The following PHYHD1 variants were observed in gnomAD, a reference collection of about 807,000 sequenced individuals.
PHYHD1 encodes the protein phytanoyl-CoA dioxygenase domain-containing protein 1.
Under a neutral mutation model 43.6 loss-of-function variants are expected in PHYHD1, and 42 were observed. The ratio of observed to expected loss-of-function variants is 0.96; its 90% CI spans 0.75 to 1.25. The LOEUF (loss-of-function observed/expected upper bound fraction) is 1.25. PHYHD1 is among the 50% of genes most tolerant of loss of function. The pLI is 0.00. For missense variants in PHYHD1, 342 were observed against 370.8 expected (o/e 0.92, Z 0.64); for synonymous variants, 139 against 143.6 (o/e 0.97, Z 0.23).
chr9:128,926,709 C>T (rs1487326870), intron 3 of PHYHD1, among the ~76,000 whole-genome samples: 1 of 151,902 alleles, frequency 6.6e-6, no homozygotes, highest in African/African-American at 2.4e-5. Flanking sequence ...CAGGCATGCA[C>T]CACCATGCCC....
At chr9:128,932,423 A>C (rs1302817366) in intron 4 of PHYHD1, among the ~76,000 whole-genome samples, 3 of 151,864 alleles carry the variant, frequency 2.0e-5, no homozygotes, top group Non-Finnish European at 2.9e-5. Flanking sequence ...GGTGGAGTGC[A>C]ATGGCACGAT....
rs200138931 is a variant in PHYHD1 at position 128,932,178 on chromosome 9, A to ATTT, written c.193-1602_193-1601insTTT. Among the ~76,000 whole-genome samples the ATTT allele has an allele frequency of 1.8e-3, 198 of 107,832 alleles. 4 individuals are homozygous for ATTT. The highest frequency in any genetic ancestry group is 7.2e-3 in the African/African-American group (159 of 22,234). 70.7% of individuals were successfully genotyped at this position (107,832 alleles called of 152,430 possible). ...TATTATTATTATTATTGTTATTATT[A>ATTT]TTATTATTTTTTTTTTTTGAGATGG... is the stretch of plus-strand genomic sequence containing the variant. On this transcript the variant is annotated intron_variant, in intron 4 of 12. Coordinates refer to ENST00000372592, the MANE Select transcript of PHYHD1 (RefSeq NM_001100876.2).
Position 128,941,919 on chromosome 9 carries a change from G to A in PHYHD1, c.*206G>A. 2 of 642,508 alleles carry A rather than the reference G, an allele frequency of 3.1e-6. No individual in the cohort carries two copies. The highest frequency in any genetic ancestry group is 5.3e-6 in the Non-Finnish European group (2 of 375,830). 39.8% of individuals were successfully genotyped at this position (642,508 alleles called of 1,614,324 possible). A position where few individuals can be genotyped will look rare whatever the true frequency, so the allele number is the denominator to read the frequency against. On this transcript the variant is annotated 3_prime_UTR_variant, in exon 13 of 13. Coordinates refer to ENST00000372592, the MANE Select transcript of PHYHD1 (RefSeq NM_001100876.2). ...TCTGCCTCCCTACTGCCCCAACATA[G>A]CCTTGAGGAGGCTTCTCAGCCACCA...
At chr9:128,935,351 G>A (rs1170004309) in intron 6 of PHYHD1, among the ~76,000 whole-genome samples, 7 of 152,218 alleles carry the variant, frequency 4.6e-5, no homozygotes, top group Non-Finnish European at 1.0e-4. Flanking sequence ...ATTGCCGGGC[G>A]TGGTGGCTCA....
At chr9:128,938,443 CAG>C (rs1316733908) in intron 9 of PHYHD1, among the ~76,000 whole-genome samples, 1 of 151,920 alleles carries the variant, frequency 6.6e-6, no homozygotes, top group Non-Finnish European at 1.5e-5. Context: ...TTTTTTGAGA[CAG>C]AGTTTCATTC....
Position 128,922,054 on chromosome 9 carries a change from A to T in PHYHD1, c.-42+7A>T. On this transcript the variant is annotated splice_region_variant and intron_variant, in intron 2 of 12. Coordinates refer to ENST00000372592, the MANE Select transcript of PHYHD1 (RefSeq NM_001100876.2). ...CATAATTTCCCGGCACCTGGTAAGC[A>T]GTGGTGGGGGGTGGTTTCCAGAAGA... 4.0e-6 allele frequency: 2 copies of T among 504,360 alleles called. No homozygotes were observed. The highest frequency in any genetic ancestry group is 7.1e-6 in the Non-Finnish European group (2 of 283,516). 31.2% of individuals were successfully genotyped at this position (504,360 alleles called of 1,614,324 possible).
At chr9:128,933,961 T>C (rs17507817) in intron 5 of PHYHD1, 50 bp from the exon 6 acceptor site, 1 of 1,608,458 alleles carries the variant, frequency 6.2e-7, no homozygotes, top group African/African-American at 1.3e-5. Flanking sequence ...CAGCTGCCCA[T>C]GGAAGGCTGG....
At chr9:128,934,919 G>C (rs17455218) in intron 6 of PHYHD1, among the ~76,000 whole-genome samples, 1 of 151,858 alleles carries the variant, frequency 6.6e-6, no homozygotes, top group Non-Finnish European at 1.5e-5. Context: ...GGGTCCACCT[G>C]ATCCCCCCTA....
chr9:128,934,923 C>CT (rs1306251680), intron 6 of PHYHD1, among the ~76,000 whole-genome samples: 1 of 152,092 alleles, frequency 6.6e-6, no homozygotes, highest in Non-Finnish European at 1.5e-5. Flanking sequence ...CCACCTGATC[C>CT]CCCCTAACAG....
chr9:128,927,699 A>G (rs2131099304), intron 4 of PHYHD1, among the ~76,000 whole-genome samples: 1 of 152,352 alleles, frequency 6.6e-6, no homozygotes, highest in East Asian at 1.9e-4. Flanking sequence ...AATTAGGTTC[A>G]GATCACTTGC....
At chr9:128,930,675 T>C (rs1454456481) in intron 4 of PHYHD1, among the ~76,000 whole-genome samples, 1 of 145,800 alleles carries the variant, frequency 6.9e-6, no homozygotes, top group Non-Finnish European at 1.5e-5. Flanking sequence ...CTCGGCCGGG[T>C]GCAGTGGCTT....
At chr9:128,932,172 A>ATTTTTTTTTT (rs1367583651) in intron 4 of PHYHD1, among the ~76,000 whole-genome samples, 24 of 104,190 alleles carry the variant, frequency 2.3e-4, no homozygotes, top group African/African-American at 3.4e-4. Flanking sequence ...TATTATTGTT[A>ATTTTTTTTTT]TTATTATTAT....
chr9:128,940,703 C>T lies in PHYHD1; in HGVS notation c.691C>T (p.Pro231Ser). The change falls in exon 11 of 13, where the codon CCA becomes TCA. Residue 231 changes from proline to serine, a missense_variant. Transcript: ENST00000372592. ...GGATAACAGCCTCTTTGTGCCCACC[C>T]CAGTGCAGAGAGGTAGGCAGATGCA... Reference protein sequence around the residue: ...ARDNSLFVPTPVQRGALVLIH... With the variant: ...ARDNSLFVPTSVQRGALVLIH... The T allele has an allele frequency of 6.2e-7, 1 of 1,613,368 alleles. No individual in the cohort carries two copies. Among genetic ancestry groups the T allele is most frequent in the Non-Finnish European group, 8.5e-7 (1 of 1,179,990 alleles).
Position 128,939,557 on chromosome 9 carries a change from C to T in PHYHD1, c.458-812C>T, listed in dbSNP as rs1588257206. Among the ~76,000 whole-genome samples the T allele has an allele frequency of 2.7e-5, 3 of 111,632 alleles. 1 individual carries two copies. The Admixed American group carries it at 3.2e-4, about 12-fold the overall frequency. 73.2% of individuals were successfully genotyped at this position (111,632 alleles called of 152,430 possible). The stretch of plus-strand genomic sequence containing the variant: ...TCGTGCCACTGCACTCCAGCCTGGG[C>T]GACAGAGCCAGACTCCGTCTCAAAA... On this transcript the variant is annotated intron_variant, in intron 9 of 12. Coordinates refer to ENST00000372592, the MANE Select transcript of PHYHD1 (RefSeq NM_001100876.2).
Position 128,929,973 on chromosome 9 carries a change from C to CA in PHYHD1, c.192+2791dup, listed in dbSNP as rs773392942. ...TGAAACCCTGTCTCTACAAAAAATA[C>CA]AAAAAAAAAAAAAATTAGTCGTGGC... On this transcript the variant is annotated intron_variant, in intron 4 of 12. Transcript: ENST00000372592. Among the ~76,000 whole-genome samples the CA allele has an allele frequency of 4.3e-3, 547 of 127,590 alleles. 3 individuals carry two copies. Among genetic ancestry groups the CA allele is most frequent in the South Asian group, 0.014 (56 of 4,020 alleles). The allele number at this position is 127,590 out of a possible 152,430, so 83.7% of individuals were successfully genotyped here.
chr9:128,935,880 C>T (rs775407476), intron 6 of PHYHD1, among the ~76,000 whole-genome samples: 3 of 151,876 alleles, frequency 2.0e-5, no homozygotes, highest in Non-Finnish European at 4.4e-5. Context: ...CCAGCCTGGG[C>T]GACAGAGTGA....
At position 128,940,431 on chromosome 9, in the gene PHYHD1, T is replaced by C. The variant is rs1246201863; in HGVS notation, c.520T>C (p.Trp174Arg). Residue 174 changes from tryptophan to arginine, a missense_variant, in exon 10 of 13, where the codon TGG becomes CGG. Trp to Arg is a moderately radical substitution (Grantham distance 101, BLOSUM62 -3). Coordinates refer to ENST00000372592, the MANE Select transcript of PHYHD1 (RefSeq NM_001100876.2). ...TEPLGRVLGV[W>R]IAVEDATLEN... The stretch of plus-strand genomic sequence containing the variant: ...GCCCCTGGGCCGGGTGCTGGGCGTG[T>C]GGATCGCAGTGGAGGATGCCACGCT... The C allele has an allele frequency of 1.2e-6, 2 of 1,614,154 alleles. No individual in the cohort carries two copies. Among genetic ancestry groups the C allele is most frequent in the East Asian group, 2.2e-5 (1 of 44,870 alleles).
Position 128,936,193 on chromosome 9 carries a change from C to G in PHYHD1, c.317-255C>G, listed in dbSNP as rs543510954. Among the ~76,000 whole-genome samples, 7 of 151,848 alleles carry G rather than the reference C, an allele frequency of 4.6e-5. No individual in the cohort carries two copies. In the East Asian group the frequency reaches 7.8e-4, roughly 17 times the overall value. On this transcript the variant is annotated intron_variant, in intron 6 of 12. Transcript: ENST00000372592. The stretch of plus-strand genomic sequence containing the variant: ...TGATTGGTGCCTTGGAGCCCTTAGT[C>G]GTCTGTGAGGGGTGGGGAGTCGGGG...
chr9:128,927,264 A>G (rs1305734499), intron 4 of PHYHD1, 68 bp downstream of exon 4: 2 of 1,587,744 alleles, frequency 1.3e-6, no homozygotes, highest in Non-Finnish European at 1.7e-6. Context: ...CGGCCAGAGC[A>G]GCATCGTGGA....
Sources: gnomAD v4.1 joint callset for allele counts (sites outside exome capture counted in the v4.1 genomes callset) on GRCh38, gnomAD v4.1.1 for gene constraint, MANE v1.5 for transcripts, NCBI Gene and HGNC (gene_info 2026-07-23, HGNC 2026-07-21) for gene names.